GGNBP2: variants seen among roughly 807,000 people sequenced by gnomAD.
The protein encoded by GGNBP2 is gametogenetin-binding protein 2.
GGNBP2 carries 10 observed loss-of-function variants against 85.9 expected under a neutral mutation model. The ratio of observed to expected loss-of-function variants is 0.12; its 90% CI spans 0.07 to 0.20. GGNBP2 has a LOEUF of 0.20. Among genes scored for constraint, GGNBP2 ranks in the 10% least tolerant of loss-of-function variants. The probability of loss-of-function intolerance (pLI) is 1.00; values close to 1 mark genes in which losing one functional copy is unlikely to be tolerated. For synonymous variants in GGNBP2, 287 were observed against 285.7 expected, an observed-to-expected ratio of 1.00 and a Z score of -0.05; for missense variants, 595 against 857.8, an observed-to-expected ratio of 0.69 and a Z score of 3.83.
chr17:36,574,643 A>G, intron 6 of GGNBP2: 1 of 583,954 alleles, frequency 1.7e-6, no homozygotes, highest in South Asian at 2.1e-5. Context: ...ATAGTTACCC[A>G]GGGCGGCAGT....
chr17:36,579,163 T>C, intron 7 of GGNBP2, 82 bp from the exon 8 acceptor site: 1 of 1,233,036 alleles, frequency 8.1e-7, no homozygotes, highest in Non-Finnish European at 1.2e-6. Flanking sequence ...ACATTGTGTT[T>C]AAAACCTGAA....
intron 6 of GGNBP2, chr17:36,576,761 CTAG>C (rs2074595721): frequency 6.6e-6 from 1 of 150,402 alleles, no homozygotes; most frequent in Non-Finnish European, 1.5e-5. Flanking sequence ...AGAATGAATA[CTAG>C]TTGGCTCTAC....
intron 10 of GGNBP2, 89 bp downstream of exon 10, chr17:36,585,539 A>G (rs2074692869): frequency 2.1e-6 from 2 of 935,148 alleles, no homozygotes; most frequent in Non-Finnish European, 1.6e-6. Context: ...TCTGTGAGCT[A>G]GAATTTTAAA....
intron 4 of GGNBP2, among the ~76,000 whole-genome samples, chr17:36,557,882 G>T (rs1490175011): frequency 1.3e-5 from 2 of 152,042 alleles, no homozygotes; most frequent in East Asian, 3.9e-4. Context: ...GGGAGGCCAA[G>T]GCAGGCAGAT....
intron 3 of GGNBP2, among the ~76,000 whole-genome samples, chr17:36,556,541 T>G (rs2074362872): frequency 6.6e-6 from 1 of 151,920 alleles, no homozygotes; most frequent in South Asian, 2.1e-4. Context: ...CCATCTCTAC[T>G]AAAAATACTA....
At position 36,548,978 on chromosome 17, in the gene GGNBP2, T is replaced by C. The variant is rs139037857; in HGVS notation, c.93+3161T>C. ...AAATAGCCTCTTCTTTTATGTGATA[T>C]GTTGTGTCCATGTTTAGAAGATTCC... On this transcript the variant is annotated intron_variant, in intron 2 of 13. Coordinates refer to ENST00000613102, the MANE Select transcript of GGNBP2 (RefSeq NM_024835.5). Among the ~76,000 whole-genome samples, 40 of 152,230 alleles carry C rather than the reference T, an allele frequency of 2.6e-4. No homozygotes were observed. In the East Asian group the frequency reaches 6.2e-3, roughly 24 times the overall value.
chr17:36,578,952 A>T (rs74597024), intron 7 of GGNBP2: 2 of 271,658 alleles, frequency 7.4e-6, no homozygotes, highest in African/African-American at 4.4e-5. Context: ...TGTGTCTACT[A>T]TGAGCTGGAC....
intron 2 of GGNBP2, among the ~76,000 whole-genome samples, chr17:36,549,162 CAGAT>C (rs1237252836): frequency 1.3e-5 from 2 of 151,994 alleles, no homozygotes; most frequent in Admixed American, 6.6e-5. Context: ...TATAAAATAA[CAGAT>C]AGAATACATA....
chr17:36,570,375 G>A (rs1279420526), intron 6 of GGNBP2, among the ~76,000 whole-genome samples: 2 of 152,104 alleles, frequency 1.3e-5, no homozygotes, highest in Non-Finnish European at 2.9e-5. Flanking sequence ...GCAACAGAGT[G>A]AAACGCCATC....
chr17:36,587,055 C>A lies in GGNBP2; in HGVS notation c.1700C>A (p.Thr567Asn). ...GGTAATCGAGAGACCTCAGGAAATA[C>A]CATGCACACAGTGTTTCACCGTGAC... ...DPGNRETSGN[T>N]MHTVFHRDKT... The change falls in exon 13 of 14, where the codon ACC becomes AAC. Residue 567 changes from threonine (T) to asparagine (N), a missense_variant. Thr to Asn is a moderately conservative substitution (Grantham distance 65, BLOSUM62 0). Around this residue, in one of 9 missense-constraint regions of GGNBP2, gnomAD observed 120 missense variants for 126.3 expected, o/e 0.95. Coordinates refer to ENST00000613102, the MANE Select transcript of GGNBP2 (RefSeq NM_024835.5). 1.2e-6 allele frequency: 2 copies of A among 1,613,500 alleles called. No homozygotes were observed. Among genetic ancestry groups the A allele is most frequent in the Non-Finnish European group, 8.5e-7 (1 of 1,179,704 alleles).
chr17:36,585,999 C>A (rs1052922161), intron 11 of GGNBP2, 34 bp downstream of exon 11: 3 of 1,613,732 alleles, frequency 1.9e-6, no homozygotes, highest in Non-Finnish European at 2.5e-6. Flanking sequence ...GTTATTTCTA[C>A]TACATGGCTG....
At chr17:36,575,648 A>ATTTTTTTTTTTT (rs71274856) in intron 6 of GGNBP2, among the ~76,000 whole-genome samples, 1 of 54,910 alleles carries the variant, frequency 1.8e-5, no homozygotes, top group Non-Finnish European at 2.9e-5. Flanking sequence ...ATATATATAT[A>ATTTTTTTTTTTT]TTTTTTTTTT....
chr17:36,582,459 A>G (rs1284363148), intron 9 of GGNBP2: 2 of 152,198 alleles, frequency 1.3e-5, no homozygotes, highest in East Asian at 1.9e-4. Context: ...AAGTCTGTAC[A>G]TGTTCAGTAC....
chr17:36,553,754 T>C (rs755009656), intron 2 of GGNBP2, among the ~76,000 whole-genome samples: 4 of 152,166 alleles, frequency 2.6e-5, no homozygotes, highest in African/African-American at 7.2e-5. Context: ...CATATCTTTT[T>C]CCCCCACATT....
intron 2 of GGNBP2, 51 bp downstream of exon 2, chr17:36,545,868 C>G: frequency 8.0e-7 from 1 of 1,249,116 alleles, no homozygotes; most frequent in Non-Finnish European, 1.1e-6. Context: ...CAGCTGTTTC[C>G]CCTCCTCCCC....
chr17:36,585,015 T>C (rs566052308), intron 9 of GGNBP2, among the ~76,000 whole-genome samples: 11 of 152,306 alleles, frequency 7.2e-5, no homozygotes, highest in African/African-American at 2.4e-4. Context: ...AATTAATATT[T>C]TTACAGCTTC....
In GGNBP2 at chr17:36,586,007, C is replaced by A. The variant is rs2074697187; in HGVS notation, c.1492+42C>A. 5.6e-6 allele frequency: 9 copies of A among 1,613,498 alleles called. No homozygotes were observed. The Admixed American group carries it at 8.3e-5, about 15-fold the overall frequency. On this transcript the variant is annotated intron_variant, in intron 11 of 13. Coordinates refer to ENST00000613102, the MANE Select transcript of GGNBP2 (RefSeq NM_024835.5). ...TTTCCCAGTTATTTCTACTACATGG[C>A]TGACTTAAGAACATAAATAAGAAGG... is the stretch of plus-strand genomic sequence containing the variant.
intron 3 of GGNBP2, 84 bp from the exon 4 acceptor site, chr17:36,556,999 C>T: frequency 6.5e-7 from 1 of 1,528,476 alleles, no homozygotes; most frequent in Non-Finnish European, 9.0e-7. Context: ...TACTTTACTG[C>T]ACAAGGATAG....
At chr17:36,559,470 C>T (rs1180307546) in intron 4 of GGNBP2, among the ~76,000 whole-genome samples, 1 of 151,938 alleles carries the variant, frequency 6.6e-6, no homozygotes, top group Admixed American at 6.6e-5. Flanking sequence ...AAATTTGTCT[C>T]ATTTAGTGAA....
Sources: gnomAD v4.1 joint callset for allele counts (sites outside exome capture counted in the v4.1 genomes callset) on GRCh38, gnomAD v4.1.1 for gene constraint, gnomAD v4.1.1 regional missense constraint, MANE v1.5 for transcripts, NCBI Gene and HGNC (gene_info 2026-07-23, HGNC 2026-07-21) for gene names.